Variants in UBE2Q2 observed in about 807,000 individuals in gnomAD.
UBE2Q2 encodes ubiquitin conjugating enzyme E2 Q2.
Under a neutral mutation model 59.9 loss-of-function variants are expected in UBE2Q2, and 54 were observed. The ratio of observed to expected loss-of-function variants is 0.90; its 90% CI spans 0.72 to 1.13. The LOEUF is 1.13. UBE2Q2 is among the 50% of genes most tolerant of loss of function. UBE2Q2 has a pLI of 0.00. For synonymous variants in UBE2Q2, 165 were observed against 155.2 expected (o/e 1.06, Z -0.47); for missense variants, 433 against 441.9 (o/e 0.98, Z 0.18).
intron 9 of UBE2Q2, among the ~76,000 whole-genome samples, chr15:75,888,767 T>G (rs1898931833): frequency 2.0e-5 from 3 of 152,218 alleles, no homozygotes; most frequent in Admixed American, 6.5e-5. Context: ...TCAACAAACA[T>G]TTGTGTAGTT....
At position 75,877,938 on chromosome 15, in the gene UBE2Q2, T is replaced by TA. The variant is rs900027063; in HGVS notation, c.674-21dup. ...GTTATATGATGAAATGAAGAGTAGCTAACATGCTCTATATCTTAACAGGGA... is the reference window on the plus strand; with the variant it reads ...GTTATATGATGAAATGAAGAGTAGCTAAACATGCTCTATATCTTAACAGGGA... On this transcript the variant is annotated intron_variant, in intron 6 of 12. Transcript: ENST00000267938. 2.5e-6 allele frequency: 4 copies of TA among 1,604,088 alleles called. No homozygotes were observed. The Admixed American group carries it at 5.0e-5, about 20-fold the overall frequency.
chr15:75,868,973 C>G lies in UBE2Q2; in HGVS notation c.410C>G (p.Thr137Ser). The stretch of plus-strand genomic sequence containing the variant: ...CAGAATGGGACAACAGAAGAAGTGA[C>G]TTCAGAAGAAGAGGAAGAAGAAGAA... Reference protein sequence around the residue: ...TGQNGTTEEVTSEEEEEEEEM... With the variant: ...TGQNGTTEEVSSEEEEEEEEM... Residue 137 changes from threonine to serine, a missense_variant, in exon 4 of 13, where the codon ACT becomes AGT. Coordinates refer to ENST00000267938, the MANE Select transcript of UBE2Q2 (RefSeq NM_173469.4). 6.2e-7 allele frequency: 1 copy of G among 1,612,854 alleles called. No homozygotes were observed. The highest frequency in any genetic ancestry group is 8.5e-7 in the Non-Finnish European group (1 of 1,179,244).
intron 4 of UBE2Q2, 141 bp from the exon 5 acceptor site, chr15:75,873,287 C>CT (rs1439092758): frequency 4.7e-6 from 3 of 633,556 alleles, no homozygotes; most frequent in Non-Finnish European, 7.4e-6. Flanking sequence ...AATGTGGGGG[C>CT]TTTTTCTCTC....
chr15:75,849,218 G>C (rs529524239), intron 1 of UBE2Q2, among the ~76,000 whole-genome samples: 1 of 152,268 alleles, frequency 6.6e-6, no homozygotes, highest in African/African-American at 2.4e-5. Flanking sequence ...GGTACTATAT[G>C]CTAATTCTGT....
intron 8 of UBE2Q2, 127 bp downstream of exon 8, chr15:75,879,315 T>TA: frequency 1.9e-6 from 1 of 535,056 alleles, no homozygotes; most frequent in Non-Finnish European, 3.3e-6. Context: ...CTCGTAGACA[T>TA]ATTCTCCGTT....
Position 75,856,246 on chromosome 15 carries a change from CGT to C in UBE2Q2, c.282+1782_282+1783del, listed in dbSNP as rs370925975. On this transcript the variant is annotated intron_variant, in intron 2 of 12. Coordinates refer to ENST00000267938, the MANE Select transcript of UBE2Q2 (RefSeq NM_173469.4). Reference sequence around the variant, plus strand: ...ACATGTATGTGTATATGTGTATATACGTGTGTGTGTGTGTGTGTGTGTGTATA... The same window carrying C: ...ACATGTATGTGTATATGTGTATATACGTGTGTGTGTGTGTGTGTGTGTATA... Among the ~76,000 whole-genome samples, 249 of 135,702 alleles carry C rather than the reference CGT, an allele frequency of 1.8e-3. 2 individuals carry two copies. The highest frequency in any genetic ancestry group is 4.0e-3 in the East Asian group (19 of 4,734). 89.0% of individuals were successfully genotyped at this position (135,702 alleles called of 152,430 possible). A position where few individuals can be genotyped will look rare whatever the true frequency, so the allele number is the denominator to read the frequency against.
chr15:75,871,540 T>G (rs1897793398), intron 4 of UBE2Q2, among the ~76,000 whole-genome samples: 1 of 152,224 alleles, frequency 6.6e-6, no homozygotes, highest in Admixed American at 6.5e-5. Flanking sequence ...AGTGTTTGTG[T>G]CCCTGGGTAC....
In UBE2Q2 at chr15:75,890,421, TTTTTC is replaced by T; in HGVS notation, c.885-9_885-5del. 1 of 1,584,494 alleles carries T rather than the reference TTTTTC, an allele frequency of 6.3e-7. No homozygotes were observed. The highest frequency in any genetic ancestry group is 2.3e-5 in the East Asian group (1 of 44,212). ...TTCTCGAGAATTTTGTATGACTCCT[TTTTTC>T]TTTTTAAGGTATGTATTGGGTGGAG... On this transcript the variant is annotated splice_polypyrimidine_tract_variant and intron_variant, in intron 9 of 12. Transcript: ENST00000267938.
At position 75,890,472 on chromosome 15, in the gene UBE2Q2, C is replaced by T; in HGVS notation, c.922C>T (p.Leu308Phe). The stretch of plus-strand genomic sequence containing the variant: ...TGGAGGAGCATTATGTATGGAACTT[C>T]TCACAAAACAGGTGACTTTTCTTAC... ...LGGGALCMELLTKQGWSSAYS... is the reference protein window; with the variant it reads ...LGGGALCMELFTKQGWSSAYS... The change falls in exon 10 of 13, where the codon CTC becomes TTC. Residue 308 changes from leucine to phenylalanine, a missense_variant. Leu to Phe is a conservative substitution (Grantham distance 22, BLOSUM62 0). Transcript: ENST00000267938. 1.2e-6 allele frequency: 2 copies of T among 1,609,254 alleles called. No individual in the cohort carries two copies. The highest frequency in any genetic ancestry group is 1.7e-6 in the Non-Finnish European group (2 of 1,178,900).
intron 9 of UBE2Q2, among the ~76,000 whole-genome samples, chr15:75,887,049 CTTAA>C (rs1193920998): frequency 1.3e-5 from 2 of 152,004 alleles, no homozygotes; most frequent in Middle Eastern, 3.4e-3. Context: ...TACGTAGTTT[CTTAA>C]TTGATTCTTT....
At chr15:75,854,611 C>A in intron 2 of UBE2Q2, 124 bp downstream of exon 2, 1 of 589,718 alleles carries the variant, frequency 1.7e-6, no homozygotes, top group Non-Finnish European at 2.7e-6. Context: ...GAATTAAAGA[C>A]TAGTTTGTTT....
chr15:75,880,726 C>T (rs1898361075), intron 8 of UBE2Q2, among the ~76,000 whole-genome samples: 1 of 151,988 alleles, frequency 6.6e-6, no homozygotes, highest in South Asian at 2.1e-4. Flanking sequence ...GTTTTGAACT[C>T]CTGACCTCAT....
At chr15:75,878,600 TAAAAAAA>T (rs142315305) in intron 7 of UBE2Q2, among the ~76,000 whole-genome samples, 252 of 86,032 alleles carry the variant, frequency 2.9e-3, no homozygotes, top group African/African-American at 9.9e-3. Context: ...CCCGGTCTCT[TAAAAAAA>T]AAAAAAAAAA....
intron 2 of UBE2Q2, among the ~76,000 whole-genome samples, chr15:75,857,761 A>G (rs1247672990): frequency 6.6e-6 from 1 of 151,942 alleles, no homozygotes; most frequent in East Asian, 1.9e-4. Flanking sequence ...TGTAGGCAAA[A>G]AAAAAAAAAA....
At chr15:75,865,141 A>G (rs1365189261) in intron 3 of UBE2Q2, among the ~76,000 whole-genome samples, 1 of 152,258 alleles carries the variant, frequency 6.6e-6, no homozygotes, top group Non-Finnish European at 1.5e-5. Flanking sequence ...TGCTCGCACT[A>G]CAGAAACCTT....
intron 9 of UBE2Q2, among the ~76,000 whole-genome samples, chr15:75,884,086 A>G (rs1378812946): frequency 1.3e-5 from 2 of 152,140 alleles, no homozygotes; most frequent in African/African-American, 2.4e-5. Flanking sequence ...TCAAATGGTA[A>G]TTGTATTGCT....
intron 1 of UBE2Q2, among the ~76,000 whole-genome samples, chr15:75,850,604 A>G (rs1233594756): frequency 1.3e-5 from 2 of 152,228 alleles, no homozygotes; most frequent in East Asian, 3.9e-4. Context: ...GTGTCAAGAG[A>G]GGGAGGAGGA....
intron 1 of UBE2Q2, among the ~76,000 whole-genome samples, chr15:75,849,277 A>C (rs775421244): frequency 9.9e-5 from 15 of 152,190 alleles, no homozygotes; most frequent in Non-Finnish European, 1.9e-4. Context: ...CAAACTATGA[A>C]AGTAATGTGT....
At chr15:75,849,499 A>G (rs1337191270) in intron 1 of UBE2Q2, among the ~76,000 whole-genome samples, 1 of 152,240 alleles carries the variant, frequency 6.6e-6, no homozygotes, top group Admixed American at 6.5e-5. Context: ...TTATGGAGAA[A>G]AATAGATACA....
Sources: allele counts gnomAD v4.1 joint callset (sites outside exome capture counted in the v4.1 genomes callset), GRCh38; gene constraint gnomAD v4.1.1; transcripts MANE v1.5; gene names NCBI Gene and HGNC (gene_info 2026-07-23, HGNC 2026-07-21).